Variants in STK32B observed in about 807,000 individuals in gnomAD.
The protein encoded by STK32B is serine/threonine-protein kinase 32B.
Under a neutral mutation model 52.6 loss-of-function variants are expected in STK32B, and 43 were observed. That is an observed-to-expected ratio of 0.82 (90% CI 0.64 to 1.05). The LOEUF (loss-of-function observed/expected upper bound fraction) is 1.05. Among genes scored for constraint, STK32B ranks in the 50% least tolerant of loss-of-function variants. The pLI is 0.00. For missense variants in STK32B, 621 were observed against 534.6 expected, an observed-to-expected ratio of 1.16 and a Z score of -1.59; for synonymous variants, 238 against 204.3, an observed-to-expected ratio of 1.17 and a Z score of -1.41.
At chr4:5,038,757 G>A in the STK32B span, among the ~76,000 whole-genome samples, 1 of 152,134 alleles carries the variant, frequency 6.6e-6, no homozygotes, top group East Asian at 1.9e-4. Context: ...GAGTGAATGG[G>A]AAGGCCTAGG....
At chr4:5,317,749 T>A (rs1346055791) in intron 3 of STK32B, among the ~76,000 whole-genome samples, 2 of 151,040 alleles carry the variant, frequency 1.3e-5, no homozygotes, top group Non-Finnish European at 2.9e-5. Context: ...GTGATTTCCT[T>A]ATTTGAAGGA....
Position 5,246,233 on chromosome 4 carries a change from T to G in STK32B, c.260+77783T>G, listed in dbSNP as rs189522979. On this transcript the variant is annotated intron_variant, in intron 3 of 11. Transcript: ENST00000282908. ...ACCAATGAGACGTAGATTTGGTCTT[T>G]TCACATAGTCCCATATTTCTTGGAA... Among the ~76,000 whole-genome samples the G allele has an allele frequency of 4.6e-3, 701 of 152,358 alleles. 2 individuals carry two copies. Among genetic ancestry groups the G allele is most frequent in the African/African-American group, 0.015 (636 of 41,578 alleles).
At chr4:5,438,847 G>A (rs1034346151) in intron 6 of STK32B, among the ~76,000 whole-genome samples, 1 of 152,014 alleles carries the variant, frequency 6.6e-6, no homozygotes, top group Non-Finnish European at 1.5e-5. Context: ...GTGACAATAT[G>A]CGGTGTTTGG....
At chr4:5,435,350 G>A (rs1713963064) in intron 6 of STK32B, among the ~76,000 whole-genome samples, 1 of 152,116 alleles carries the variant, frequency 6.6e-6, no homozygotes. Flanking sequence ...GTTGTTTGCT[G>A]TCCCGGTGAG....
intron 3 of STK32B, among the ~76,000 whole-genome samples, chr4:5,186,104 C>A (rs1249061587): frequency 6.6e-6 from 1 of 152,224 alleles, no homozygotes; most frequent in African/African-American, 2.4e-5. Flanking sequence ...GTACCAGGCA[C>A]TGTTCCAATT....
At chr4:5,317,474 TATATATTACATATATATA>T (rs2108930824) in intron 3 of STK32B, among the ~76,000 whole-genome samples, 1 of 104,354 alleles carries the variant, frequency 9.6e-6, no homozygotes, top group East Asian at 2.4e-4. Context: ...ATGTATAATA[TATATATTACATATATATA>T]ATATATATTA....
Position 5,289,771 on chromosome 4 carries a change from T to C in STK32B, c.261-41449T>C, listed in dbSNP as rs192504793. On this transcript the variant is annotated intron_variant, in intron 3 of 11. Transcript: ENST00000282908. ...TGTTAGCCAGGATGGTCTTGATCTC[T>C]TGACCTTGTGATCCGCCTGCCTCGG... Among the ~76,000 whole-genome samples, 474 of 149,098 alleles carry C rather than the reference T, an allele frequency of 3.2e-3. 2 individuals carry two copies. Among genetic ancestry groups the C allele is most frequent in the Middle Eastern group, 0.014 (4 of 290 alleles).
rs923313586 is a variant in STK32B, at chr4:5,355,736, AGT to A, written c.434+24345_434+24346del. On this transcript the variant is annotated intron_variant, in intron 4 of 11. Transcript: ENST00000282908. The stretch of plus-strand genomic sequence containing the variant: ...ACACATCATCAAATGTGCTCCAGAG[AGT>A]GATATCACCCCTGGAGGAGAATCAC... Among the ~76,000 whole-genome samples the A allele has an allele frequency of 1.1e-4, 17 of 152,246 alleles. No individual in the cohort carries two copies. In the East Asian group the frequency reaches 3.3e-3, roughly 30 times the overall value.
intron 3 of STK32B, among the ~76,000 whole-genome samples, chr4:5,208,261 C>G (rs1722700406): frequency 6.6e-6 from 1 of 152,176 alleles, no homozygotes; most frequent in African/African-American, 2.4e-5. Context: ...ACATGGCTTC[C>G]TCCAGCCACA....
chr4:5,084,738 A>G (rs1457468150), intron 1 of STK32B, among the ~76,000 whole-genome samples: 2 of 152,212 alleles, frequency 1.3e-5, no homozygotes, highest in African/African-American at 4.8e-5. Context: ...TGTAAGATGA[A>G]CTTAGTCCAC....
At chr4:5,280,966 G>GA (rs776607565) in intron 3 of STK32B, among the ~76,000 whole-genome samples, 32 of 152,026 alleles carry the variant, frequency 2.1e-4, no homozygotes, top group Non-Finnish European at 3.1e-4. Flanking sequence ...GTAATTCATG[G>GA]AAAAAAACAG....
chr4:5,493,240 A>G (rs1196110739), intron 11 of STK32B, among the ~76,000 whole-genome samples: 1 of 152,156 alleles, frequency 6.6e-6, no homozygotes, highest in Non-Finnish European at 1.5e-5. Context: ...GCTATTGATT[A>G]TTGCCACAAT....
At chr4:5,021,990 G>A in the STK32B span, among the ~76,000 whole-genome samples, 2 of 152,144 alleles carry the variant, frequency 1.3e-5, no homozygotes, top group African/African-American at 4.8e-5. Context: ...AACACCAGAG[G>A]AGAGGGTGCC....
intron 6 of STK32B, among the ~76,000 whole-genome samples, chr4:5,423,733 C>G (rs1250848234): frequency 6.6e-6 from 1 of 152,124 alleles, no homozygotes; most frequent in Admixed American, 6.5e-5. Context: ...GTTGCATTGT[C>G]AGTGCTCACC....
Position 5,386,422 on chromosome 4 carries a change from G to T in STK32B, c.435-11785G>T. On this transcript the variant is annotated intron_variant, in intron 4 of 11. Coordinates refer to ENST00000282908, the MANE Select transcript of STK32B (RefSeq NM_018401.3). The surrounding 1 kb of genome is among the most constrained non-coding windows in gnomAD (Gnocchi z 4.5). ...GGGAACCATGGTAGAAGCAGGAAAA[G>T]GTAATTCTTGATGGTCCAAGAGCAC... Among the ~76,000 whole-genome samples the T allele has an allele frequency of 6.6e-6, 1 of 152,110 alleles. No homozygotes were observed. Among genetic ancestry groups the T allele is most frequent in the East Asian group, 1.9e-4 (1 of 5,158 alleles).
intron 3 of STK32B, among the ~76,000 whole-genome samples, chr4:5,219,087 G>A (rs1723361552): frequency 6.6e-6 from 1 of 152,244 alleles, no homozygotes; most frequent in African/African-American, 2.4e-5. Context: ...TGTTGGCTCT[G>A]TGCCTTGTGA....
At chr4:5,372,722 G>GGT (rs1276853387) in intron 4 of STK32B, among the ~76,000 whole-genome samples, 1 of 97,216 alleles carries the variant, frequency 1.0e-5, no homozygotes, top group African/African-American at 3.5e-5. Flanking sequence ...GAGAAAGTTG[G>GGT]GGGGGGGGGC....
At chr4:5,200,002 G>A (rs991334473) in intron 3 of STK32B, among the ~76,000 whole-genome samples, 3 of 152,108 alleles carry the variant, frequency 2.0e-5, no homozygotes, top group Non-Finnish European at 4.4e-5. Context: ...CCACTTTAGC[G>A]AGGTCATGAG....
intron 3 of STK32B, among the ~76,000 whole-genome samples, chr4:5,253,883 A>G (rs1160877958): frequency 1.3e-5 from 2 of 152,366 alleles, no homozygotes; most frequent in East Asian, 3.9e-4. Context: ...GAAATAATGT[A>G]TGTAAAGTGC....
Sources: gnomAD v4.1 joint callset for allele counts (sites outside exome capture counted in the v4.1 genomes callset) on GRCh38, gnomAD v4.1.1 for gene constraint, Gnocchi (gnomAD v3.1) non-coding constraint, MANE v1.5 for transcripts, NCBI Gene and HGNC (gene_info 2026-07-23, HGNC 2026-07-21) for gene names.